The following HNRNPR variants were observed in gnomAD, a reference collection of about 807,000 sequenced individuals.
The protein encoded by HNRNPR is heterogeneous nuclear ribonucleoprotein R.
HNRNPR carries 4 observed loss-of-function variants against 70.3 expected under a neutral mutation model. That is an observed-to-expected ratio of 0.06 (90% CI 0.03 to 0.13). The LOEUF (loss-of-function observed/expected upper bound fraction) is 0.13, where lower values mean the gene tolerates loss of function less well. HNRNPR is among the 10% of genes least tolerant of loss of function. The pLI is 1.00. For synonymous variants in HNRNPR, 241 were observed against 267.6 expected (o/e 0.90, Z 0.97); for missense variants, 423 against 788.5 (o/e 0.54, Z 5.55).
intron 2 of HNRNPR, among the ~76,000 whole-genome samples, chr1:23,338,991 C>T (rs1019186837): frequency 3.9e-5 from 6 of 152,154 alleles, no homozygotes; most frequent in Non-Finnish European, 7.4e-5. Context: ...GAATACATTG[C>T]GTTTTCCAAG....
intron 6 of HNRNPR, 35 bp downstream of exon 6, chr1:23,323,521 G>A: frequency 6.5e-7 from 1 of 1,543,268 alleles, no homozygotes; most frequent in Non-Finnish European, 8.8e-7. Flanking sequence ...TCCTCAAATA[G>A]TGACTTGCTA....
In HNRNPR at chr1:23,333,220, C is replaced by T. The variant is rs767618191; in HGVS notation, c.498+298G>A. On this transcript the variant is annotated intron_variant, in intron 5 of 10. Coordinates refer to ENST00000302271, the MANE Select transcript of HNRNPR (RefSeq NM_005826.5). ...AAAAAAAGACAGAATAAAGCAATTG[C>T]GTCTTCCAAATAACTTTACTCCAAG... Among the ~76,000 whole-genome samples, 7 of 152,074 alleles carry T rather than the reference C, an allele frequency of 4.6e-5. No homozygotes were observed. The East Asian group carries it at 5.8e-4, about 13-fold the overall frequency.
At chr1:23,326,836 C>T (rs1391970418) in intron 5 of HNRNPR, among the ~76,000 whole-genome samples, 1 of 152,142 alleles carries the variant, frequency 6.6e-6, no homozygotes, top group Non-Finnish European at 1.5e-5. Flanking sequence ...TCCTTGCCTT[C>T]TCTACAAGTA....
intron 5 of HNRNPR, among the ~76,000 whole-genome samples, chr1:23,331,405 T>TAAAAAAA (rs59528152): frequency 0.56 from 70,291 of 126,132 alleles, 20,423 homozygotes; most frequent in Middle Eastern, 0.72. Context: ...CACAAAAAAT[T>TAAAAAAA]AAAAAAAAAA....
chr1:23,313,821 G>T, intron 8 of HNRNPR, 119 bp from the exon 9 acceptor site: 2 of 1,097,934 alleles, frequency 1.8e-6, no homozygotes, highest in Non-Finnish European at 2.6e-6. Context: ...TAAAAGTGTT[G>T]TTACAGGTAG....
chr1:23,333,750 G>GT (rs1054517508), intron 4 of HNRNPR, 119 bp from the exon 5 acceptor site: 11 of 575,252 alleles, frequency 1.9e-5, no homozygotes, highest in East Asian at 1.7e-4. Flanking sequence ...TTATGGTTAG[G>GT]TAAAAAAAAA....
At chr1:23,329,508 G>GA (rs2148425551) in intron 5 of HNRNPR, among the ~76,000 whole-genome samples, 1 of 152,252 alleles carries the variant, frequency 6.6e-6, no homozygotes, top group African/African-American at 2.4e-5. Context: ...AGAATCTACT[G>GA]AATACCACAG....
intron 3 of HNRNPR, 196 bp from the exon 4 acceptor site, chr1:23,338,057 G>A (rs1321760896): frequency 6.2e-6 from 3 of 484,056 alleles, no homozygotes; most frequent in South Asian, 3.3e-5. Flanking sequence ...ACCTCAGGGA[G>A]CTTACCTTCT....
rs374019406 is a variant in HNRNPR, at chr1:23,318,724, C to T, written c.812-36G>A. On this transcript the variant is annotated intron_variant, in intron 7 of 10. Transcript: ENST00000302271. This position sits in a 1 kb window ranked among gnomAD's most constrained non-coding sequence, Gnocchi z 4.2. ...AACAGCCAGATATATAAGCCAAAAG[C>T]ATCCACCACACATCTAGCGATTAGG... 93 of 1,602,552 alleles carry T rather than the reference C, an allele frequency of 5.8e-5. No individual in the cohort carries two copies. In the African/African-American group the frequency reaches 1.0e-3, roughly 17 times the overall value.
chr1:23,325,257 A>G (rs1043611107), intron 5 of HNRNPR, among the ~76,000 whole-genome samples: 1 of 152,234 alleles, frequency 6.6e-6, no homozygotes, highest in African/African-American at 2.4e-5. Context: ...ACCATTTCAC[A>G]GTCTGAAAAA....
Position 23,337,695 on chromosome 1 carries a change from A to T in HNRNPR, c.384+59T>A, listed in dbSNP as rs902425686. On this transcript the variant is annotated intron_variant, in intron 4 of 10. Transcript: ENST00000302271. ...GAAACTTTCTAGGAAACATGGAAAGAGGCATTTGACCTCATCATTAAATGC... is the reference window on the plus strand; with the variant it reads ...GAAACTTTCTAGGAAACATGGAAAGTGGCATTTGACCTCATCATTAAATGC... 1.5e-5 allele frequency: 14 copies of T among 945,216 alleles called. No homozygotes were observed. The African/African-American group carries it at 2.2e-4, about 15-fold the overall frequency. The allele number at this position is 945,216 out of a possible 1,614,324, so 58.6% of individuals were successfully genotyped here.
intron 1 of HNRNPR, among the ~76,000 whole-genome samples, chr1:23,342,471 T>C (rs1570145953): frequency 6.6e-6 from 1 of 152,226 alleles, no homozygotes; most frequent in Non-Finnish European, 1.5e-5. Flanking sequence ...TCTGGGTGGA[T>C]GTTTCTCAAG....
intron 6 of HNRNPR, 127 bp downstream of exon 6, chr1:23,323,429 G>T: frequency 1.3e-6 from 1 of 775,980 alleles, no homozygotes; most frequent in Non-Finnish European, 2.0e-6. Flanking sequence ...ATACCAACTT[G>T]GTCAGTATAA....
At chr1:23,317,168 C>T (rs144357385) in intron 8 of HNRNPR, among the ~76,000 whole-genome samples, 284 of 152,154 alleles carry the variant, frequency 1.9e-3, no homozygotes, top group African/African-American at 6.6e-3. Context: ...AGCAGAAATG[C>T]AACTCTGAGG....
Position 23,311,071 on chromosome 1 carries a change from CAAAGT to C in HNRNPR, c.1290-10_1290-6del. 2 of 1,612,752 alleles carry C rather than the reference CAAAGT, an allele frequency of 1.2e-6. No individual in the cohort carries two copies. Among genetic ancestry groups the C allele is most frequent in the Non-Finnish European group, 1.7e-6 (2 of 1,179,258 alleles). Reference sequence around the variant, plus strand: ...TGGTAGTAATAATCTTCATACCTAGCAAAGTAGAGAAGGGAGAAAAGAAAAAACAA... The same window carrying C: ...TGGTAGTAATAATCTTCATACCTAGCAGAGAAGGGAGAAAAGAAAAAACAA... On this transcript the variant is annotated splice_polypyrimidine_tract_variant and splice_region_variant and intron_variant, in intron 10 of 10. Coordinates refer to ENST00000302271, the MANE Select transcript of HNRNPR (RefSeq NM_005826.5).
intron 5 of HNRNPR, 59 bp downstream of exon 5, chr1:23,333,459 A>G (rs1646327633): frequency 2.0e-6 from 2 of 991,042 alleles, no homozygotes; most frequent in Non-Finnish European, 3.3e-6. Flanking sequence ...GTATCTGCAT[A>G]GTAGATAAAA....
At chr1:23,336,429 G>A (rs1014155685) in intron 4 of HNRNPR, among the ~76,000 whole-genome samples, 13 of 151,616 alleles carry the variant, frequency 8.6e-5, no homozygotes, top group African/African-American at 2.9e-4. Context: ...AAAATTAGCC[G>A]GGCATGGTAG....
rs1645263321 is a variant in HNRNPR at position 23,309,651 on chromosome 1, A to G, written c.*803T>C. The stretch of plus-strand genomic sequence containing the variant: ...TAATCCTCAGTCTAATATCCACAAC[A>G]CATGTTGGAATAAACAAGAAATTTT... On this transcript the variant is annotated 3_prime_UTR_variant, in exon 11 of 11. Coordinates refer to ENST00000302271, the MANE Select transcript of HNRNPR (RefSeq NM_005826.5). 6.6e-6 allele frequency: 1 copy of G among 152,596 alleles called. No individual in the cohort carries two copies. The highest frequency in any genetic ancestry group is 2.4e-5 in the African/African-American group (1 of 41,456). The allele number at this position is 152,596 out of a possible 1,614,324, so 9.5% of individuals were successfully genotyped here.
At chr1:23,342,055 C>T (rs929116514) in intron 1 of HNRNPR, among the ~76,000 whole-genome samples, 1 of 152,232 alleles carries the variant, frequency 6.6e-6, no homozygotes. Flanking sequence ...CAAGACATTG[C>T]AACACATACT....
Sources: gnomAD v4.1 joint callset for allele counts (sites outside exome capture counted in the v4.1 genomes callset) on GRCh38, gnomAD v4.1.1 for gene constraint, Gnocchi (gnomAD v3.1) non-coding constraint, MANE v1.5 for transcripts, NCBI Gene and HGNC (gene_info 2026-07-23, HGNC 2026-07-21) for gene names.